Variants in ATP10A observed in about 807,000 individuals in gnomAD.
ATP10A encodes ATPase phospholipid transporting 10A (putative), also known as phospholipid-transporting ATPase VA.
ATP10A carries 111 observed loss-of-function variants against 147.8 expected under a neutral mutation model. That is an observed-to-expected ratio of 0.75 (90% CI 0.64 to 0.88). The LOEUF (loss-of-function observed/expected upper bound fraction) is 0.88. Among genes scored for constraint, ATP10A ranks in the 40% least tolerant of loss-of-function variants. The pLI, the probability that ATP10A is intolerant of heterozygous loss-of-function variation, is 0.00. For synonymous variants in ATP10A, 875 were observed against 841.6 expected (o/e 1.04, Z -0.69); for missense variants, 1,927 against 1,959.0 (o/e 0.98, Z 0.31).
At chr15:25,808,763 C>T (rs1567401062) in intron 1 of ATP10A, among the ~76,000 whole-genome samples, 2 of 152,196 alleles carry the variant, frequency 1.3e-5, no homozygotes, top group Non-Finnish European at 2.9e-5. Flanking sequence ...GGTGGCTGAC[C>T]TGGATCTATA....
chr15:25,773,196 C>T (rs886585380), intron 2 of ATP10A, among the ~76,000 whole-genome samples: 2 of 152,046 alleles, frequency 1.3e-5, no homozygotes, highest in South Asian at 2.1e-4. Context: ...TGTAGACGGG[C>T]GAAACTCTAA....
chr15:25,824,554 TG>T (rs762453571), intron 1 of ATP10A, among the ~76,000 whole-genome samples: 21,663 of 53,516 alleles, frequency 0.4, 1,381 homozygotes, highest in Middle Eastern at 0.54. Context: ...TCACTTTTTG[TG>T]TGTGTTTTTT....
intron 9 of ATP10A, among the ~76,000 whole-genome samples, chr15:25,714,553 C>T (rs910430639): frequency 1.3e-5 from 2 of 152,146 alleles, no homozygotes; most frequent in Admixed American, 6.5e-5. Context: ...GCCTCTTCCA[C>T]TTCTCTTAAA....
intron 2 of ATP10A, among the ~76,000 whole-genome samples, chr15:25,767,930 T>A (rs569863517): frequency 6.6e-6 from 1 of 152,298 alleles, no homozygotes; most frequent in East Asian, 1.9e-4. Flanking sequence ...GATGGGTGCA[T>A]GGGCAGGCAC....
At chr15:25,812,335 A>G (rs1300627419) in intron 1 of ATP10A, among the ~76,000 whole-genome samples, 1 of 152,200 alleles carries the variant, frequency 6.6e-6, no homozygotes, top group African/African-American at 2.4e-5. Context: ...ACCTGTACTA[A>G]GTACAAAGCT....
chr15:25,812,030 G>C (rs1034449656), intron 1 of ATP10A, among the ~76,000 whole-genome samples: 1 of 152,168 alleles, frequency 6.6e-6, no homozygotes, highest in African/African-American at 2.4e-5. Flanking sequence ...CACGCTCCCC[G>C]TTCCACCCTA....
chr15:25,761,045 A>G (rs1435912734), intron 2 of ATP10A, among the ~76,000 whole-genome samples: 1 of 152,222 alleles, frequency 6.6e-6, no homozygotes, highest in African/African-American at 2.4e-5. Flanking sequence ...AATGAATCCA[A>G]AAGATACATA....
At chr15:25,765,378 A>C (rs1791717548) in intron 2 of ATP10A, among the ~76,000 whole-genome samples, 1 of 152,186 alleles carries the variant, frequency 6.6e-6, no homozygotes, top group Non-Finnish European at 1.5e-5. Flanking sequence ...TTGATATCTC[A>C]GAAGCCCTCC....
At chr15:25,763,576 T>C (rs965983057) in intron 2 of ATP10A, among the ~76,000 whole-genome samples, 1 of 152,186 alleles carries the variant, frequency 6.6e-6, no homozygotes, top group African/African-American at 2.4e-5. Flanking sequence ...TGAATGTCTG[T>C]CCTCTGTCAT....
intron 1 of ATP10A, among the ~76,000 whole-genome samples, chr15:25,813,791 GA>G (rs1891532216): frequency 1.3e-5 from 2 of 149,236 alleles, no homozygotes; most frequent in East Asian, 3.9e-4. Context: ...CATCACGAAA[GA>G]AAAAAAAGTT....
Position 25,863,266 on chromosome 15 carries a change from G to A in ATP10A, c.-170C>T. Reference sequence around the variant, plus strand: ...GGCCGGCCCAGCGCGCCCAGCCCGCGCCCAGCCCCGTCCACTCCCGTCCAG... The same window carrying A: ...GGCCGGCCCAGCGCGCCCAGCCCGCACCCAGCCCCGTCCACTCCCGTCCAG... On this transcript the variant is annotated 5_prime_UTR_variant, in exon 1 of 21. Transcript: ENST00000555815. 7.3e-6 allele frequency: 2 copies of A among 275,008 alleles called. No homozygotes were observed. Among genetic ancestry groups the A allele is most frequent in the Non-Finnish European group, 1.1e-5 (2 of 175,536 alleles). The allele number at this position is 275,008 out of a possible 1,614,324, so 17.0% of individuals were successfully genotyped here. A position where few individuals can be genotyped will look rare whatever the true frequency, so the allele number is the denominator to read the frequency against.
At chr15:25,759,383 T>C (rs1228936596) in intron 2 of ATP10A, among the ~76,000 whole-genome samples, 4 of 152,198 alleles carry the variant, frequency 2.6e-5, no homozygotes, top group Non-Finnish European at 5.9e-5. Context: ...TGTGATCAGA[T>C]TGACTAAAAT....
intron 1 of ATP10A, among the ~76,000 whole-genome samples, chr15:25,815,510 A>G (rs201930249): frequency 1.4e-4 from 1 of 7,016 alleles, no homozygotes; most frequent in Non-Finnish European, 4.3e-4. Context: ...GATGCCAACC[A>G]GTGATGGAAA....
chr15:25,812,525 G>A (rs1489144692), intron 1 of ATP10A, among the ~76,000 whole-genome samples: 2 of 152,328 alleles, frequency 1.3e-5, no homozygotes, highest in East Asian at 1.9e-4. Flanking sequence ...ATTTGTTCCT[G>A]AGCTGGTAAG....
rs532003643 is a variant in ATP10A, at chr15:25,747,364, C to T, written c.655-11223G>A. Among the ~76,000 whole-genome samples the T allele has an allele frequency of 3.1e-3, 470 of 150,216 alleles. 3 individuals carry two copies. The highest frequency in any genetic ancestry group is 0.011 in the African/African-American group (450 of 41,034). On this transcript the variant is annotated intron_variant, in intron 2 of 20. Coordinates refer to ENST00000555815, the MANE Select transcript of ATP10A (RefSeq NM_024490.4). ...AAGATTGTGGGATATTGCTTGCTTT[C>T]GGGGAAATTAATAGTCTACTTGACT...
chr15:25,811,294 G>A (rs1359158079), intron 1 of ATP10A, among the ~76,000 whole-genome samples: 1 of 152,162 alleles, frequency 6.6e-6, no homozygotes, highest in Non-Finnish European at 1.5e-5. Flanking sequence ...GTGAGTGAGA[G>A]GAAAGAGGAG....
intron 1 of ATP10A, among the ~76,000 whole-genome samples, chr15:25,822,350 CTA>C (rs1891927522): frequency 6.6e-6 from 1 of 152,090 alleles, no homozygotes; most frequent in Non-Finnish European, 1.5e-5. Flanking sequence ...AAATAATAAC[CTA>C]TGTTTTTTCA....
chr15:25,780,359 T>A (rs1187791673), intron 2 of ATP10A, among the ~76,000 whole-genome samples: 1 of 152,232 alleles, frequency 6.6e-6, no homozygotes, highest in Non-Finnish European at 1.5e-5. Context: ...CATTTCCTTG[T>A]AGGGTCTTCC....
Position 25,850,648 on chromosome 15 carries a change from C to A in ATP10A, c.449+12000G>T, listed in dbSNP as rs181717696. 2.2e-4 allele frequency among the ~76,000 whole-genome samples: 33 copies of A among 149,584 alleles called. No individual in the cohort carries two copies. The East Asian group carries it at 3.6e-3, about 16-fold the overall frequency. Reference sequence around the variant, plus strand: ...TCCATTCTCCCTCCCTCCCTCCCCCCCCAGCCCCGGTGACTCACTCCGCGG... The same window carrying A: ...TCCATTCTCCCTCCCTCCCTCCCCCACCAGCCCCGGTGACTCACTCCGCGG... On this transcript the variant is annotated intron_variant, in intron 1 of 20. Coordinates refer to ENST00000555815, the MANE Select transcript of ATP10A (RefSeq NM_024490.4).
Sources: allele counts gnomAD v4.1 joint callset (sites outside exome capture counted in the v4.1 genomes callset), GRCh38; gene constraint gnomAD v4.1.1; transcripts MANE v1.5; gene names NCBI Gene and HGNC (gene_info 2026-07-23, HGNC 2026-07-21).